The following TBC1D19 variants were observed in gnomAD, a reference collection of about 807,000 sequenced individuals.
TBC1D19 encodes the protein TBC1 domain family, member 19.
A neutral mutation model predicts 89.0 loss-of-function variants in TBC1D19; 60 were observed. The observed-to-expected ratio is 0.67, with a 90% CI of 0.55 to 0.84. TBC1D19 has a LOEUF of 0.84. Among genes scored for constraint, TBC1D19 ranks in the 40% least tolerant of loss-of-function variants. TBC1D19 has a pLI of 0.00. For synonymous variants in TBC1D19, 189 were observed against 199.7 expected, an observed-to-expected ratio of 0.95 and a Z score of 0.45; for missense variants, 500 against 610.8, an observed-to-expected ratio of 0.82 and a Z score of 1.91.
intron 7 of TBC1D19, among the ~76,000 whole-genome samples, chr4:26,650,736 T>C (rs1332203823): frequency 1.3e-5 from 2 of 152,224 alleles, no homozygotes; most frequent in Non-Finnish European, 2.9e-5. Flanking sequence ...CATTTGTCAA[T>C]TTTGGCTTTT....
chr4:26,613,472 A>G (rs1306066589), intron 2 of TBC1D19, among the ~76,000 whole-genome samples: 2 of 152,154 alleles, frequency 1.3e-5, no homozygotes, highest in African/African-American at 2.4e-5. Flanking sequence ...AACAGAAACT[A>G]AGAACCCATG....
upstream of TBC1D19, among the ~76,000 whole-genome samples, chr4:26,581,868 T>G (rs1244157470): frequency 6.6e-6 from 1 of 152,168 alleles, no homozygotes; most frequent in Non-Finnish European, 1.5e-5. Context: ...TTTTGCTAAA[T>G]CGAATTGGAA....
chr4:26,856,096 C>A, the TBC1D19 span, among the ~76,000 whole-genome samples: 1 of 152,102 alleles, frequency 6.6e-6, no homozygotes, highest in Admixed American at 6.6e-5. Flanking sequence ...AACCTTATAC[C>A]CTTTGGTCAG....
the TBC1D19 span, among the ~76,000 whole-genome samples, chr4:26,842,634 T>TTCTA: frequency 6.8e-6 from 1 of 146,448 alleles, no homozygotes; most frequent in Non-Finnish European, 1.5e-5. Flanking sequence ...CTTTCTTTCT[T>TTCTA]TCTTTCTTTC....
intron 13 of TBC1D19, among the ~76,000 whole-genome samples, chr4:26,696,412 G>T (rs1468078780): frequency 6.6e-6 from 1 of 152,184 alleles, no homozygotes; most frequent in African/African-American, 2.4e-5. Flanking sequence ...AATAATGGGA[G>T]ACTTTAACAC....
At chr4:26,715,207 A>G (rs958277274) in intron 13 of TBC1D19, among the ~76,000 whole-genome samples, 17 of 152,076 alleles carry the variant, frequency 1.1e-4, no homozygotes, top group African/African-American at 3.9e-4. Context: ...TGAACCCATG[A>G]TCTCACTCCC....
chr4:26,826,984 AT>A, the TBC1D19 span, among the ~76,000 whole-genome samples: 2 of 152,066 alleles, frequency 1.3e-5, no homozygotes, highest in Admixed American at 1.3e-4. Flanking sequence ...GTTACATAAT[AT>A]TTTTTTCCTC....
the TBC1D19 span, among the ~76,000 whole-genome samples, chr4:26,842,095 A>G: frequency 2.5e-3 from 375 of 152,250 alleles, no homozygotes; most frequent in Non-Finnish European, 4.6e-3. Flanking sequence ...TCTTTGAACA[A>G]AGGCCACCAA....
At chr4:26,680,267 C>T (rs1402258489) in intron 11 of TBC1D19, among the ~76,000 whole-genome samples, 1 of 152,182 alleles carries the variant, frequency 6.6e-6, no homozygotes, top group African/African-American at 2.4e-5. Context: ...GATATCTCAG[C>T]TCTTCTGGTT....
At chr4:26,579,458 A>G (rs1739028880), upstream of TBC1D19, among the ~76,000 whole-genome samples, 1 of 152,008 alleles carries the variant, frequency 6.6e-6, no homozygotes, top group Non-Finnish European at 1.5e-5. Context: ...GTATACATTG[A>G]GAACTTTTAA....
At chr4:26,704,166 A>T (rs1196767847) in intron 13 of TBC1D19, among the ~76,000 whole-genome samples, 1 of 152,050 alleles carries the variant, frequency 6.6e-6, no homozygotes, top group African/African-American at 2.4e-5. Flanking sequence ...TTCTTAAAGT[A>T]CCCATTTTTA....
chr4:26,774,609 A>G, the TBC1D19 span, among the ~76,000 whole-genome samples: 12 of 152,224 alleles, frequency 7.9e-5, no homozygotes, highest in South Asian at 4.1e-4. Flanking sequence ...TTGTTATACT[A>G]TATAGAAATA....
At chr4:26,586,502 T>A (rs769548210) in intron 1 of TBC1D19, among the ~76,000 whole-genome samples, 25 of 152,136 alleles carry the variant, frequency 1.6e-4, no homozygotes, top group Non-Finnish European at 3.1e-4. Context: ...ACTACAAAAA[T>A]TGTTGAAAAT....
chr4:26,740,569 A>C (rs145014639), intron 17 of TBC1D19: 4 of 787,654 alleles, frequency 5.1e-6, no homozygotes, highest in Non-Finnish European at 3.1e-6. Context: ...GGAAAAGCAT[A>C]TATTTAGGAG....
At chr4:26,687,503 T>C (rs2109155116) in intron 12 of TBC1D19, among the ~76,000 whole-genome samples, 1 of 152,292 alleles carries the variant, frequency 6.6e-6, no homozygotes, top group East Asian at 1.9e-4. Flanking sequence ...GAAACACAAA[T>C]GCTTTAGTTC....
At chr4:26,739,124 A>T (rs572540111) in intron 16 of TBC1D19, among the ~76,000 whole-genome samples, 1 of 152,222 alleles carries the variant, frequency 6.6e-6, no homozygotes, top group Non-Finnish European at 1.5e-5. Context: ...CACCTTTGTC[A>T]GTGTAGAATA....
At chr4:26,663,344 T>C (rs1745326858) in intron 8 of TBC1D19, among the ~76,000 whole-genome samples, 1 of 152,200 alleles carries the variant, frequency 6.6e-6, no homozygotes, top group African/African-American at 2.4e-5. Flanking sequence ...GAATTAATGA[T>C]GACTGAAGGA....
chr4:26,768,790 C>T, the TBC1D19 span, among the ~76,000 whole-genome samples: 1 of 151,886 alleles, frequency 6.6e-6, no homozygotes, highest in African/African-American at 2.4e-5. Flanking sequence ...AGATTAAAAA[C>T]TAAAAATAAA....
chr4:26,786,356 C>T, the TBC1D19 span, among the ~76,000 whole-genome samples: 2 of 152,118 alleles, frequency 1.3e-5, no homozygotes, highest in East Asian at 1.9e-4. Context: ...TAGTACCAGC[C>T]GGGCACGGTG....
Sources: allele counts gnomAD v4.1 joint callset (sites outside exome capture counted in the v4.1 genomes callset), GRCh38; gene constraint gnomAD v4.1.1; transcripts MANE v1.5; gene names NCBI Gene and HGNC (gene_info 2026-07-23, HGNC 2026-07-21).